Variants in CDH13 observed in about 807,000 individuals in gnomAD.
The protein encoded by CDH13 is cadherin 13.
CDH13 carries 24 observed loss-of-function variants against 63.8 expected under a neutral mutation model. That is an observed-to-expected ratio of 0.38 (90% CI 0.27 to 0.53). The LOEUF (loss-of-function observed/expected upper bound fraction) is 0.53. CDH13 is among the 20% of genes least tolerant of loss of function. The probability of loss-of-function intolerance (pLI) is 0.85; values close to 1 mark genes in which losing one functional copy is unlikely to be tolerated. For missense variants in CDH13, 1,049 were observed against 903.1 expected (o/e 1.16, Z -2.07); for synonymous variants, 503 against 355.3 (o/e 1.42, Z -4.67).
intron 11 of CDH13, among the ~76,000 whole-genome samples, chr16:83,769,428 G>T (rs552324480): frequency 1.3e-5 from 2 of 152,178 alleles, no homozygotes. Context: ...ACAAGATCCA[G>T]GCCTGGTACA....
At chr16:83,772,989 G>A (rs1483423583) in intron 11 of CDH13, 2 of 152,392 alleles carry the variant, frequency 1.3e-5, no homozygotes, top group Middle Eastern at 3.4e-3. Context: ...GAGCTGGGAT[G>A]AGCTAATGGA....
At chr16:83,600,253 C>A (rs4782829) in intron 7 of CDH13, among the ~76,000 whole-genome samples, 7 of 151,976 alleles carry the variant, frequency 4.6e-5, no homozygotes, top group Admixed American at 4.6e-4. Flanking sequence ...GTCAGAGAAC[C>A]GTGTGACCTT....
At chr16:83,061,804 C>T (rs1225659786) in intron 3 of CDH13, among the ~76,000 whole-genome samples, 1 of 152,216 alleles carries the variant, frequency 6.6e-6, no homozygotes, top group Non-Finnish European at 1.5e-5. Context: ...GTGTCTCAGT[C>T]TCCCAGCAAA....
intron 1 of CDH13, among the ~76,000 whole-genome samples, chr16:82,728,890 C>G (rs1804241871): frequency 6.6e-6 from 1 of 152,164 alleles, no homozygotes; most frequent in South Asian, 2.1e-4. Flanking sequence ...GGTTTAGGTA[C>G]TGTTTTAAAT....
chr16:82,704,989 C>T, intron 1 of CDH13: 1 of 364,644 alleles, frequency 2.7e-6, no homozygotes, highest in South Asian at 2.1e-5. Flanking sequence ...GCTGCTGCCT[C>T]ATGAGGAAGG....
chr16:82,796,162 G>A lies in CDH13; in HGVS notation c.46-62200G>A, dbSNP rs4783278. Among the ~76,000 whole-genome samples the A allele has an allele frequency of 6.6e-5, 10 of 152,160 alleles. No homozygotes were observed. In the East Asian group the frequency reaches 1.9e-3, roughly 30 times the overall value. On this transcript the variant is annotated intron_variant, in intron 1 of 13. Coordinates refer to ENST00000567109, the MANE Select transcript of CDH13 (RefSeq NM_001257.5). Reference sequence around the variant, plus strand: ...GGAAACCAAGGTTCTAGGCAGCCTCGTGGGTAATACAGCCAGTAAATTGCA... The same window carrying A: ...GGAAACCAAGGTTCTAGGCAGCCTCATGGGTAATACAGCCAGTAAATTGCA...
intron 4 of CDH13, among the ~76,000 whole-genome samples, chr16:83,142,868 C>T (rs9930664): frequency 0.04 from 6,146 of 152,142 alleles, 375 homozygotes; most frequent in African/African-American, 0.14. Flanking sequence ...TTTGGGAGGC[C>T]GAGGCGGGCA....
chr16:83,373,924 A>C (rs1037037583), intron 6 of CDH13, among the ~76,000 whole-genome samples: 3 of 152,128 alleles, frequency 2.0e-5, no homozygotes, highest in Non-Finnish European at 4.4e-5. Context: ...CCGAAAGGGA[A>C]GGATCCAGGG....
At chr16:83,273,636 G>T (rs1176035722) in intron 5 of CDH13, among the ~76,000 whole-genome samples, 2 of 152,130 alleles carry the variant, frequency 1.3e-5, no homozygotes, top group Non-Finnish European at 1.5e-5. Flanking sequence ...CAACAGGGAG[G>T]CCCATTTAAA....
At chr16:83,411,881 A>G (rs11865069) in intron 6 of CDH13, among the ~76,000 whole-genome samples, 36,004 of 152,180 alleles carry the variant, frequency 0.24, 4,511 homozygotes, top group Middle Eastern at 0.36. Context: ...GGTAGATAGT[A>G]ACATCCCACA....
At chr16:82,954,875 CTG>C (rs1453054740) in intron 2 of CDH13, 3 of 152,002 alleles carry the variant, frequency 2.0e-5, no homozygotes, top group African/African-American at 7.2e-5. Flanking sequence ...TTTATAGAAA[CTG>C]AATATAATAT....
intron 8 of CDH13, among the ~76,000 whole-genome samples, chr16:83,628,949 C>T (rs1196305764): frequency 6.6e-6 from 1 of 152,110 alleles, no homozygotes; most frequent in Non-Finnish European, 1.5e-5. Flanking sequence ...GTATTTGCAC[C>T]AATATCAAAC....
At chr16:83,438,344 A>T (rs1478593481) in intron 6 of CDH13, among the ~76,000 whole-genome samples, 1 of 152,252 alleles carries the variant, frequency 6.6e-6, no homozygotes, top group African/African-American at 2.4e-5. Flanking sequence ...ATTGTTGCCT[A>T]AACCTAATGG....
intron 10 of CDH13, among the ~76,000 whole-genome samples, chr16:83,685,378 GA>G (rs1205311489): frequency 6.6e-6 from 1 of 152,060 alleles, no homozygotes; most frequent in Admixed American, 6.5e-5. Context: ...TTTTAAAAGG[GA>G]AAAATATCCC....
intron 9 of CDH13, among the ~76,000 whole-genome samples, chr16:83,677,984 A>G (rs1915100929): frequency 6.6e-6 from 1 of 152,058 alleles, no homozygotes; most frequent in Non-Finnish European, 1.5e-5. Context: ...TTAATCAAAA[A>G]CACAAAAACA....
At chr16:82,693,601 T>G (rs562489763) in intron 1 of CDH13, among the ~76,000 whole-genome samples, 1 of 152,236 alleles carries the variant, frequency 6.6e-6, no homozygotes, top group Non-Finnish European at 1.5e-5. Context: ...TAGACACTTA[T>G]GCAAACATGC....
intron 5 of CDH13, among the ~76,000 whole-genome samples, chr16:83,245,293 G>C (rs374279999): frequency 2.0e-5 from 3 of 152,150 alleles, no homozygotes; most frequent in Non-Finnish European, 4.4e-5. Flanking sequence ...AGAAGTTCTC[G>C]TGGGGAAATG....
chr16:83,420,482 G>A (rs2071683577), intron 6 of CDH13, among the ~76,000 whole-genome samples: 1 of 152,150 alleles, frequency 6.6e-6, no homozygotes, highest in African/African-American at 2.4e-5. Flanking sequence ...TTTGGTAGCT[G>A]TGCTCTCTCT....
intron 11 of CDH13, among the ~76,000 whole-genome samples, chr16:83,778,707 G>C (rs918292087): frequency 6.6e-6 from 1 of 152,162 alleles, no homozygotes; most frequent in Non-Finnish European, 1.5e-5. Context: ...CCTGTAGCCA[G>C]CTAGTGATCT....
Sources: gnomAD v4.1 joint callset for allele counts (sites outside exome capture counted in the v4.1 genomes callset) on GRCh38, gnomAD v4.1.1 for gene constraint, MANE v1.5 for transcripts, NCBI Gene and HGNC (gene_info 2026-07-23, HGNC 2026-07-21) for gene names.